The following COG5 variants were observed in gnomAD, a reference collection of about 807,000 sequenced individuals.
COG5 encodes the protein conserved oligomeric Golgi complex subunit 5.
A neutral mutation model predicts 110.4 loss-of-function variants in COG5; 86 were observed. That is an observed-to-expected ratio of 0.78 (90% CI 0.65 to 0.93). COG5 has a LOEUF of 0.93. COG5 is among the 40% of genes least tolerant of loss of function. COG5 has a pLI of 0.00. For missense variants in COG5, 1,077 were observed against 987.0 expected (o/e 1.09, Z -1.22); for synonymous variants, 360 against 334.6 (o/e 1.08, Z -0.83).
intron 14 of COG5, among the ~76,000 whole-genome samples, chr7:107,276,631 C>T (rs1804722288): frequency 6.6e-6 from 1 of 152,140 alleles, no homozygotes; most frequent in Admixed American, 6.6e-5. Context: ...TCAGGCTGGC[C>T]AACAGAGTGA....
intron 1 of COG5, 133 bp downstream of exon 1, chr7:107,563,670 C>T (rs1165057699): frequency 2.0e-6 from 2 of 984,824 alleles, no homozygotes; most frequent in Admixed American, 1.9e-5. Flanking sequence ...GCCAGGGGGC[C>T]GGGCGGAGGG....
chr7:107,475,001 T>C, intron 6 of COG5: 1 of 1,612,842 alleles, frequency 6.2e-7, no homozygotes, highest in Non-Finnish European at 8.5e-7. Flanking sequence ...GTCTTCAGGA[T>C]GTCTTTATTG....
At chr7:107,427,203 G>C (rs1276628566) in intron 6 of COG5, among the ~76,000 whole-genome samples, 1 of 152,100 alleles carries the variant, frequency 6.6e-6, no homozygotes, top group Non-Finnish European at 1.5e-5. Context: ...CTGAAGAGTG[G>C]AGGTCATGAG....
chr7:107,441,517 A>G (rs1794707539), intron 6 of COG5, among the ~76,000 whole-genome samples: 1 of 152,166 alleles, frequency 6.6e-6, no homozygotes, highest in Non-Finnish European at 1.5e-5. Flanking sequence ...ATTCAATCCA[A>G]TGTTTGACCT....
At chr7:107,223,813 G>A (rs1007941634) in intron 19 of COG5, among the ~76,000 whole-genome samples, 8 of 152,174 alleles carry the variant, frequency 5.3e-5, no homozygotes, top group Non-Finnish European at 8.8e-5. Context: ...CTCCCACTTT[G>A]CTGCTGTGGG....
intron 7 of COG5, among the ~76,000 whole-genome samples, chr7:107,396,055 G>A (rs546147294): frequency 1.3e-5 from 2 of 152,106 alleles, no homozygotes; most frequent in Admixed American, 1.3e-4. Flanking sequence ...TATATAACAG[G>A]ACAAAATATT....
chr7:107,384,744 A>G (rs1815426390), intron 7 of COG5, among the ~76,000 whole-genome samples: 1 of 152,192 alleles, frequency 6.6e-6, no homozygotes, highest in Non-Finnish European at 1.5e-5. Context: ...GGCAGGACAC[A>G]GCAAGAAGGC....
chr7:107,275,612 G>A (rs928912510), intron 14 of COG5, among the ~76,000 whole-genome samples: 1 of 151,960 alleles, frequency 6.6e-6, no homozygotes, highest in African/African-American at 2.4e-5. Flanking sequence ...CTTGAGTGCA[G>A]TGGTGCAAGC....
chr7:107,396,761 T>A (rs1481810575), intron 7 of COG5, among the ~76,000 whole-genome samples: 3 of 152,196 alleles, frequency 2.0e-5, no homozygotes, highest in Non-Finnish European at 4.4e-5. Context: ...TTAAAGTTTT[T>A]AAATAATGTC....
chr7:107,547,211 T>C (rs922961509), intron 5 of COG5, among the ~76,000 whole-genome samples: 3 of 152,294 alleles, frequency 2.0e-5, no homozygotes, highest in African/African-American at 7.2e-5. Flanking sequence ...GGTGCAGGGA[T>C]AGTTCAACAT....
chr7:107,351,500 A>G (rs1425757615), intron 10 of COG5, among the ~76,000 whole-genome samples: 1 of 152,196 alleles, frequency 6.6e-6, no homozygotes. Flanking sequence ...AGCAAAAGAA[A>G]CTACCATCAG....
At chr7:107,546,439 T>G (rs902279806) in intron 5 of COG5, among the ~76,000 whole-genome samples, 52 of 146,258 alleles carry the variant, frequency 3.6e-4, no homozygotes, top group African/African-American at 1.3e-3. Flanking sequence ...TTTTTTGTTT[T>G]TTTTTTTTTT....
chr7:107,542,614 A>G (rs1016037152), intron 5 of COG5, among the ~76,000 whole-genome samples: 6 of 152,194 alleles, frequency 3.9e-5, no homozygotes, highest in Non-Finnish European at 4.4e-5. Context: ...ATCTGGAAAC[A>G]ATCCAAATTC....
At chr7:107,426,000 C>T (rs1371302216) in intron 6 of COG5, among the ~76,000 whole-genome samples, 1 of 152,136 alleles carries the variant, frequency 6.6e-6, no homozygotes. Context: ...GTAAAGTTTC[C>T]ATAAGCCAAA....
chr7:107,231,268 A>T (rs1800756539), intron 18 of COG5, among the ~76,000 whole-genome samples: 1 of 152,208 alleles, frequency 6.6e-6, no homozygotes, highest in Non-Finnish European at 1.5e-5. Flanking sequence ...TTAAAAGATA[A>T]TCCCACAAAG....
At chr7:107,508,746 C>A (rs548007695) in intron 6 of COG5, among the ~76,000 whole-genome samples, 4 of 152,040 alleles carry the variant, frequency 2.6e-5, no homozygotes, top group Admixed American at 1.3e-4. Flanking sequence ...CTACAGCCAC[C>A]GCTGTTCTGC....
intron 19 of COG5, among the ~76,000 whole-genome samples, chr7:107,228,545 T>C (rs888457437): frequency 2.0e-5 from 3 of 152,158 alleles, no homozygotes; most frequent in South Asian, 2.1e-4. Context: ...GACCAATGGA[T>C]TGGCAACCTC....
At chr7:107,459,537 C>T (rs1204830076) in intron 6 of COG5, among the ~76,000 whole-genome samples, 2 of 151,924 alleles carry the variant, frequency 1.3e-5, no homozygotes, top group East Asian at 1.9e-4. Context: ...TGGCTCACGA[C>T]TGTAATTCCA....
intron 21 of COG5, among the ~76,000 whole-genome samples, chr7:107,204,926 G>A (rs1312880515): frequency 6.6e-6 from 1 of 152,150 alleles, no homozygotes; most frequent in Non-Finnish European, 1.5e-5. Flanking sequence ...TCAACAAAGG[G>A]CACCATCAAC....
Sources: allele counts gnomAD v4.1 joint callset (sites outside exome capture counted in the v4.1 genomes callset), GRCh38; gene constraint gnomAD v4.1.1; transcripts MANE v1.5; gene names NCBI Gene and HGNC (gene_info 2026-07-23, HGNC 2026-07-21).